Variants in ACTN1 observed in about 807,000 individuals in gnomAD.
ACTN1 encodes the protein actinin alpha 1, also known as alpha-actinin-1.
ACTN1 carries 30 observed loss-of-function variants against 119.6 expected under a neutral mutation model. The ratio of observed to expected loss-of-function variants is 0.25; its 90% CI spans 0.19 to 0.34. The LOEUF is 0.34. Among genes scored for constraint, ACTN1 ranks in the 10% least tolerant of loss-of-function variants. The pLI is 1.00. For synonymous variants in ACTN1, 429 were observed against 472.6 expected (o/e 0.91, Z 1.20); for missense variants, 764 against 1,223.4 (o/e 0.62, Z 5.60).
chr14:68,880,098 A>G lies in ACTN1; in HGVS notation c.2144T>C (p.Val715Ala). 1 of 1,613,998 alleles carries G rather than the reference A, an allele frequency of 6.2e-7. No individual in the cohort carries two copies. Among genetic ancestry groups the G allele is most frequent in the Non-Finnish European group, 8.5e-7 (1 of 1,179,938 alleles). Residue 715 changes from valine (V) to alanine (A), a missense_variant, in exon 18 of 22, where the codon GTG becomes GCG. Physicochemically the swap from Val to Ala is moderately conservative, Grantham distance 64. Transcript: ENST00000394419. This position sits in a 1 kb window ranked among gnomAD's most constrained non-coding sequence, Gnocchi z 4.6. Reference protein sequence around the residue: ...HTNYTMEHIRVGWEQLLTTIA... With the variant: ...HTNYTMEHIRAGWEQLLTTIA... ...GGTGGTGAGCAGCTGCTCCCAGCCC[A>G]CACGGATGTGCTGCAGGACGGCAAG...
At chr14:68,887,863 A>T (rs2032148770) in intron 11 of ACTN1, 8 of 832,078 alleles carry the variant, frequency 9.6e-6, no homozygotes, top group Non-Finnish European at 1.7e-5. Context: ...CGTTTTCTGC[A>T]GGTAAATCTT....
At chr14:68,961,272 G>T (rs543747347) in intron 1 of ACTN1, among the ~76,000 whole-genome samples, 1 of 152,172 alleles carries the variant, frequency 6.6e-6, no homozygotes, top group East Asian at 1.9e-4. Context: ...AATGCCAAGT[G>T]GGGAAATAAA....
intron 1 of ACTN1, among the ~76,000 whole-genome samples, chr14:68,935,887 C>T (rs2035479385): frequency 6.6e-6 from 1 of 152,208 alleles, no homozygotes; most frequent in African/African-American, 2.4e-5. Context: ...ACGTGCTGGC[C>T]ACACCTCTTC....
At chr14:68,948,853 A>G (rs905008612) in intron 1 of ACTN1, among the ~76,000 whole-genome samples, 1 of 152,182 alleles carries the variant, frequency 6.6e-6, no homozygotes, top group Non-Finnish European at 1.5e-5. Context: ...GAACAGACAC[A>G]CTGCCTCCTG....
Position 68,878,562 on chromosome 14 carries a change from G to A in ACTN1, c.2362-39C>T. On this transcript the variant is annotated intron_variant, in intron 19 of 21. Transcript: ENST00000394419. This position sits in a 1 kb window ranked among gnomAD's most constrained non-coding sequence, Gnocchi z 4.4. Reference sequence around the variant, plus strand: ...TGGTACCAAGACACAAGGAGGGTCGGGAAGGCAGGAAGAGGAAGGGCCGGC... The same window carrying A: ...TGGTACCAAGACACAAGGAGGGTCGAGAAGGCAGGAAGAGGAAGGGCCGGC... 1 of 1,612,370 alleles carries A rather than the reference G, an allele frequency of 6.2e-7. No homozygotes were observed. Among genetic ancestry groups the A allele is most frequent in the African/African-American group, 1.3e-5 (1 of 75,012 alleles).
chr14:68,884,805 G>C lies in ACTN1; in HGVS notation c.1464C>G (p.Ala488=), dbSNP rs757163520. Reference sequence around the variant, plus strand: ...GAGCTTCCCTTCGCTTCTGAGTTAGGGCCCCCAGATTGTCCCACTGGTCAC... The same window carrying C: ...GAGCTTCCCTTCGCTTCTGAGTTAGCGCCCCCAGATTGTCCCACTGGTCAC... ...KICDQWDNLG[A]LTQKRREALE... is the part of the protein sequence containing the mutation. The change falls in exon 13 of 22, where the codon GCC becomes GCG. Residue 488 remains alanine (A), a synonymous_variant. Coordinates refer to ENST00000394419, the MANE Select transcript of ACTN1 (RefSeq NM_001130004.2). The C allele has an allele frequency of 3.1e-6, 5 of 1,614,140 alleles. No individual in the cohort carries two copies. In the South Asian group the frequency reaches 5.5e-5, roughly 18 times the overall value.
chr14:68,885,601 T>C lies in ACTN1; in HGVS notation c.1235-26A>G. The C allele has an allele frequency of 6.2e-7, 1 of 1,606,682 alleles. No homozygotes were observed. Among genetic ancestry groups the C allele is most frequent in the East Asian group, 2.2e-5 (1 of 44,812 alleles). On this transcript the variant is annotated intron_variant, in intron 11 of 21. Coordinates refer to ENST00000394419, the MANE Select transcript of ACTN1 (RefSeq NM_001130004.2). The surrounding 1 kb of genome is among the most constrained non-coding windows in gnomAD (Gnocchi z 5.6). ...CTGGGTTGAGAGAGGGCCACATGGC[T>C]GAGCTGGAGTGAGAAGCATCTCCTT...
chr14:68,902,620 G>T, intron 7 of ACTN1, 58 bp from the exon 8 acceptor site: 1 of 1,443,540 alleles, frequency 6.9e-7, no homozygotes, highest in Non-Finnish European at 9.7e-7. Context: ...ATACACCCCC[G>T]ACGTGAGGCA....
chr14:68,875,006 G>A lies in ACTN1; in HGVS notation c.2598C>T (p.Thr866=), dbSNP rs886391072. 1.2e-5 allele frequency: 20 copies of A among 1,613,408 alleles called. No homozygotes were observed. Among genetic ancestry groups the A allele is most frequent in the African/African-American group, 2.7e-5 (2 of 75,062 alleles). ...GCAGCTCGCGGCGCAGCTCGTCCAT[G>A]GTAATGTAGTTCTGCGAGGAGAGAG... ...KILAGDKNYI[T]MDELRRELPP... Residue 866 remains threonine, a synonymous_variant, in exon 22 of 22, where the codon ACC becomes ACT. Transcript: ENST00000394419.
chr14:68,928,329 A>G lies in ACTN1; in HGVS notation c.106-2657T>C, dbSNP rs189093095. Among the ~76,000 whole-genome samples, 6 of 152,312 alleles carry G rather than the reference A, an allele frequency of 3.9e-5. No individual in the cohort carries two copies. The East Asian group carries it at 1.2e-3, about 29-fold the overall frequency. On this transcript the variant is annotated intron_variant, in intron 1 of 21. Transcript: ENST00000394419. ...CTATGTTTGCTCAGGTCTCCTGGAC[A>G]AAGCCCTGGAACATGGCTTTACTAA... is the stretch of plus-strand genomic sequence containing the variant.
chr14:68,894,408 C>G (rs561556309), intron 8 of ACTN1, among the ~76,000 whole-genome samples: 24 of 152,286 alleles, frequency 1.6e-4, no homozygotes, highest in African/African-American at 5.3e-4. Flanking sequence ...ACACATCATG[C>G]GCTGCGTGCT....
chr14:68,887,890 C>T, intron 11 of ACTN1: 1 of 863,886 alleles, frequency 1.2e-6, no homozygotes, highest in Non-Finnish European at 2.0e-6. Context: ...CTTAGTTAGC[C>T]ACTTCGGCCT....
chr14:68,962,811 C>T (rs1046366220), intron 1 of ACTN1, among the ~76,000 whole-genome samples: 4 of 152,338 alleles, frequency 2.6e-5, no homozygotes, highest in South Asian at 2.1e-4. Context: ...CTTCCGCACC[C>T]GCTGTGTGGG....
intron 1 of ACTN1, chr14:68,947,282 C>T (rs2035974210): frequency 6.6e-6 from 1 of 152,200 alleles, no homozygotes; most frequent in Admixed American, 6.5e-5. Context: ...CTCACCACAC[C>T]TCTGTGTGGA....
chr14:68,976,100 A>G (rs1469732532), intron 1 of ACTN1, among the ~76,000 whole-genome samples: 3 of 152,216 alleles, frequency 2.0e-5, no homozygotes, highest in African/African-American at 7.2e-5. Context: ...TCTGACCCAG[A>G]ATGAGTGCTC....
intron 1 of ACTN1, among the ~76,000 whole-genome samples, chr14:68,969,090 T>G (rs2140664362): frequency 6.6e-6 from 1 of 152,364 alleles, no homozygotes; most frequent in African/African-American, 2.4e-5. Flanking sequence ...ACGGGCCCAC[T>G]ATATAACTGA....
chr14:68,905,022 C>T (rs1454951083), intron 6 of ACTN1, among the ~76,000 whole-genome samples: 1 of 152,338 alleles, frequency 6.6e-6, no homozygotes, highest in Middle Eastern at 3.4e-3. Flanking sequence ...TCCTAAGAAA[C>T]GTGTGCCAAG....
At chr14:68,899,196 C>T (rs2033117350) in intron 8 of ACTN1, among the ~76,000 whole-genome samples, 1 of 144,262 alleles carries the variant, frequency 6.9e-6, no homozygotes, top group Non-Finnish European at 1.5e-5. Flanking sequence ...ACACCCACAG[C>T]ACACTATACC....
At chr14:68,969,379 T>C (rs1400301285) in intron 1 of ACTN1, among the ~76,000 whole-genome samples, 1 of 152,086 alleles carries the variant, frequency 6.6e-6, no homozygotes, top group Non-Finnish European at 1.5e-5. Context: ...ACACAATTCA[T>C]AAGCCACCTC....
Sources: gnomAD v4.1 joint callset for allele counts (sites outside exome capture counted in the v4.1 genomes callset) on GRCh38, gnomAD v4.1.1 for gene constraint, Gnocchi (gnomAD v3.1) non-coding constraint, MANE v1.5 for transcripts, NCBI Gene and HGNC (gene_info 2026-07-23, HGNC 2026-07-21) for gene names.